The following ZNG1E variants were observed in gnomAD, a reference collection of about 807,000 sequenced individuals.
ZNG1E encodes zinc-regulated GTPase metalloprotein activator 1E.
At chr9:65,710,673 G>A in the ZNG1E span, among the ~76,000 whole-genome samples, 25 of 148,888 alleles carry the variant, frequency 1.7e-4, no homozygotes, top group African/African-American at 4.6e-4. Flanking sequence ...GTAGATATGC[G>A]GCGTTATTTC....
the ZNG1E span, chr9:65,693,408 A>G: frequency 2.3e-6 from 3 of 1,284,910 alleles, no homozygotes; most frequent in Non-Finnish European, 3.0e-6. Flanking sequence ...TAAAGGCAGA[A>G]GAGAATGAAA....
chr9:65,698,977 C>T, the ZNG1E span, among the ~76,000 whole-genome samples: 43 of 145,474 alleles, frequency 3.0e-4, no homozygotes, highest in African/African-American at 1.1e-3. Context: ...ACCTCTGCCT[C>T]CCAGGTTCAA....
At chr9:65,667,397 C>A in the ZNG1E span, among the ~76,000 whole-genome samples, 1 of 152,250 alleles carries the variant, frequency 6.6e-6, no homozygotes, top group Non-Finnish European at 1.5e-5. Flanking sequence ...TTATAAGTAA[C>A]CAGAACTGTT....
the ZNG1E span, among the ~76,000 whole-genome samples, chr9:65,661,937 G>A: frequency 1.3e-5 from 2 of 152,382 alleles, no homozygotes; most frequent in African/African-American, 2.4e-5. Flanking sequence ...AAAGAATAAT[G>A]GATGATCAAC....
the ZNG1E span, among the ~76,000 whole-genome samples, chr9:65,712,162 C>G: frequency 6.8e-6 from 1 of 147,626 alleles, no homozygotes; most frequent in African/African-American, 2.6e-5. Flanking sequence ...TTAGTATTCT[C>G]TGATGGTAGT....
chr9:65,679,582 G>C, the ZNG1E span: 5 of 391,458 alleles, frequency 1.3e-5, no homozygotes, highest in Non-Finnish European at 2.3e-5. Flanking sequence ...TTGAGATGGA[G>C]TCTCTCTCTG....
the ZNG1E span, among the ~76,000 whole-genome samples, chr9:65,685,338 A>G: frequency 6.6e-6 from 1 of 152,254 alleles, no homozygotes; most frequent in East Asian, 1.9e-4. Context: ...TCTCCCTTTC[A>G]TAAAAGATGT....
the ZNG1E span, among the ~76,000 whole-genome samples, chr9:65,709,299 C>T: frequency 2.8e-4 from 42 of 150,688 alleles, no homozygotes; most frequent in African/African-American, 9.7e-4. Context: ...AAATAACTCT[C>T]TTCACTTTAT....
the ZNG1E span, among the ~76,000 whole-genome samples, chr9:65,722,525 T>G: frequency 4.1e-5 from 2 of 49,028 alleles, no homozygotes; most frequent in Non-Finnish European, 8.2e-5. Flanking sequence ...TGTTTTTGTT[T>G]TTTTGGTTTT....
At chr9:65,697,403 A>C in the ZNG1E span, among the ~76,000 whole-genome samples, 3 of 82,156 alleles carry the variant, frequency 3.7e-5, no homozygotes, top group Admixed American at 1.3e-4. Flanking sequence ...AGTCCCTGTG[A>C]TTGTATATAA....
chr9:65,655,018 G>A, the ZNG1E span, among the ~76,000 whole-genome samples: 1,291 of 150,256 alleles, frequency 8.6e-3, no homozygotes, highest in African/African-American at 0.031. Flanking sequence ...TGCTGTAAAA[G>A]CACATGAAAA....
the ZNG1E span, among the ~76,000 whole-genome samples, chr9:65,728,637 T>C: frequency 6.7e-6 from 1 of 148,356 alleles, no homozygotes; most frequent in African/African-American, 2.6e-5. Context: ...GATAAATTCC[T>C]GGACAGATAC....
chr9:65,669,378 A>G, the ZNG1E span, among the ~76,000 whole-genome samples: 4 of 149,574 alleles, frequency 2.7e-5, no homozygotes, highest in East Asian at 3.9e-4. Context: ...CTCTAACACT[A>G]TAAAAATTAG....
At chr9:65,685,169 A>G in the ZNG1E span, among the ~76,000 whole-genome samples, 1 of 152,274 alleles carries the variant, frequency 6.6e-6, no homozygotes, top group East Asian at 1.9e-4. Context: ...AAAAATGCTA[A>G]CAATCATCTC....
the ZNG1E span, chr9:65,703,566 G>A: frequency 1.0e-6 from 1 of 962,392 alleles, no homozygotes; most frequent in African/African-American, 2.1e-5. Flanking sequence ...TTTCTGTGCA[G>A]GGATATTTTA....
the ZNG1E span, among the ~76,000 whole-genome samples, chr9:65,709,354 T>G: frequency 6.6e-6 from 1 of 151,454 alleles, no homozygotes; most frequent in East Asian, 1.9e-4. Context: ...TAAATTTATT[T>G]ATTTATTATT....
At chr9:65,658,559 A>G in the ZNG1E span, among the ~76,000 whole-genome samples, 1 of 151,112 alleles carries the variant, frequency 6.6e-6, no homozygotes, top group African/African-American at 2.4e-5. Context: ...GAGTTCTCAG[A>G]TTGTAAGAGA....
chr9:65,680,918 A>G, the ZNG1E span, among the ~76,000 whole-genome samples: 1,239 of 151,862 alleles, frequency 8.2e-3, no homozygotes, highest in African/African-American at 0.028. Flanking sequence ...CCGCCTGAGT[A>G]GCTGGGACTA....
At chr9:65,720,938 G>A in the ZNG1E span, among the ~76,000 whole-genome samples, 1 of 140,916 alleles carries the variant, frequency 7.1e-6, no homozygotes, top group South Asian at 2.2e-4. Flanking sequence ...GAATAAATGA[G>A]AGAAATACAA....
Sources: allele counts gnomAD v4.1 joint callset (sites outside exome capture counted in the v4.1 genomes callset), GRCh38; gene constraint gnomAD v4.1.1; transcripts MANE v1.5; gene names NCBI Gene and HGNC (gene_info 2026-07-23, HGNC 2026-07-21).